The following TCF4 variants were observed in gnomAD, a reference collection of about 807,000 sequenced individuals.
TCF4 encodes SL3-3 enhancer factor 2.
A neutral mutation model predicts 82.1 loss-of-function variants in TCF4; 3 were observed. That is an observed-to-expected ratio of 0.04 (90% CI 0.02 to 0.09). The LOEUF is 0.09. Ranked by LOEUF, TCF4 falls within the 10% of genes least tolerant of loss-of-function variation. The pLI is 1.00. For synonymous variants in TCF4, 276 were observed against 309.6 expected (o/e 0.89, Z 1.14); for missense variants, 518 against 852.7 (o/e 0.61, Z 4.89).
intron 5 of TCF4, chr18:55,422,389 A>G: frequency 1.0e-6 from 1 of 985,184 alleles, no homozygotes; most frequent in East Asian, 1.1e-4. Flanking sequence ...AGGGAAAAGG[A>G]AAGAAGGGAA....
intron 3 of TCF4, among the ~76,000 whole-genome samples, chr18:55,468,471 G>A (rs950639161): frequency 2.6e-5 from 4 of 152,142 alleles, no homozygotes; most frequent in African/African-American, 7.2e-5. Flanking sequence ...GCAGCCCATA[G>A]TATCAACAGT....
At chr18:55,566,259 G>C (rs1479303941) in intron 3 of TCF4, among the ~76,000 whole-genome samples, 1 of 151,862 alleles carries the variant, frequency 6.6e-6, no homozygotes, top group Non-Finnish European at 1.5e-5. Flanking sequence ...AAAATGTATA[G>C]ACATGGATGT....
intron 3 of TCF4, among the ~76,000 whole-genome samples, chr18:55,560,147 T>G (rs1007629214): frequency 3.3e-5 from 5 of 152,172 alleles, no homozygotes; most frequent in Non-Finnish European, 5.9e-5. Context: ...GAGAAAAAAT[T>G]AACCAGGGCT....
At chr18:55,559,212 A>G (rs1056488923) in intron 3 of TCF4, among the ~76,000 whole-genome samples, 1 of 151,500 alleles carries the variant, frequency 6.6e-6, no homozygotes, top group Admixed American at 6.6e-5. Flanking sequence ...CAGAAATGTT[A>G]CCTTAATTTG....
intron 3 of TCF4, among the ~76,000 whole-genome samples, chr18:55,565,055 C>T (rs528138830): frequency 6.6e-6 from 1 of 152,248 alleles, no homozygotes; most frequent in Admixed American, 6.5e-5. Context: ...AGAAAGAACA[C>T]TAGGAGAGGA....
chr18:55,319,398 T>C (rs1048469868), intron 8 of TCF4, among the ~76,000 whole-genome samples: 7 of 152,172 alleles, frequency 4.6e-5, no homozygotes, highest in African/African-American at 9.7e-5. Context: ...TGGTATAGAA[T>C]TGGCCCCTTC....
chr18:55,458,170 G>T (rs2095803320), intron 5 of TCF4, among the ~76,000 whole-genome samples: 2 of 152,162 alleles, frequency 1.3e-5, no homozygotes, highest in Admixed American at 1.3e-4. Flanking sequence ...AGGCTTGATT[G>T]ATTTGACAAT....
chr18:55,635,106 A>G (rs2097735001), intron 1 of TCF4, among the ~76,000 whole-genome samples: 1 of 152,220 alleles, frequency 6.6e-6, no homozygotes, highest in African/African-American at 2.4e-5. Context: ...ACCATGGATT[A>G]TGAATACTGA....
chr18:55,363,990 G>T (rs2086180942), intron 6 of TCF4, among the ~76,000 whole-genome samples: 1 of 152,022 alleles, frequency 6.6e-6, no homozygotes, highest in Non-Finnish European at 1.5e-5. Flanking sequence ...CTTTATAAAA[G>T]GAATGAATTT....
At chr18:55,294,864 C>T (rs1459643581) in intron 8 of TCF4, among the ~76,000 whole-genome samples, 1 of 152,190 alleles carries the variant, frequency 6.6e-6, no homozygotes, top group Admixed American at 6.5e-5. Flanking sequence ...AGAGAATCCT[C>T]CTGCCTTGGC....
intron 8 of TCF4, among the ~76,000 whole-genome samples, chr18:55,299,199 T>A (rs1381003813): frequency 1.3e-5 from 2 of 152,076 alleles, no homozygotes; most frequent in Admixed American, 1.3e-4. Context: ...TCACTTGAGG[T>A]CAGGAGTTTG....
intron 3 of TCF4, among the ~76,000 whole-genome samples, chr18:55,470,657 GT>G (rs1228883881): frequency 2.0e-5 from 3 of 152,152 alleles, no homozygotes; most frequent in African/African-American, 7.2e-5. Flanking sequence ...GTAGAGCTGT[GT>G]AGTTGTCCTT....
chr18:55,632,122 T>C lies in TCF4; in HGVS notation c.196-734A>G, dbSNP rs578231737. Among the ~76,000 whole-genome samples the C allele has an allele frequency of 4.6e-5, 7 of 152,296 alleles. No homozygotes were observed. In the South Asian group the frequency reaches 1.5e-3, roughly 32 times the overall value. On this transcript the variant is annotated intron_variant, in intron 1 of 20. Coordinates refer to the TCF4 transcript ENST00000398339. ...GGCACGATCTCGGCTTGCTGCAAGC[T>C]CCGCCTCCCGGGTTCAGGCCATTCT...
intron 8 of TCF4, among the ~76,000 whole-genome samples, chr18:55,280,667 C>T (rs544590853): frequency 4.6e-5 from 7 of 152,172 alleles, no homozygotes; most frequent in Admixed American, 1.3e-4. Flanking sequence ...AAGCAGGCAG[C>T]GGCTCACAAA....
At chr18:55,401,182 T>C in intron 6 of TCF4, 9 of 1,224,744 alleles carry the variant, frequency 7.3e-6, no homozygotes, top group Non-Finnish European at 9.4e-6. Flanking sequence ...TGTTCTATTC[T>C]CAAATTTCAC....
At chr18:55,403,575 C>T in intron 5 of TCF4, 57 bp from the exon 6 acceptor site, 1 of 1,613,702 alleles carries the variant, frequency 6.2e-7, no homozygotes, top group Non-Finnish European at 8.5e-7. Flanking sequence ...AAAAAAATCT[C>T]CTCCAGGTAA....
intron 3 of TCF4, chr18:55,550,308 T>C (rs2097249620): frequency 6.6e-6 from 1 of 152,234 alleles, no homozygotes; most frequent in South Asian, 2.1e-4. Flanking sequence ...TTTACAAACT[T>C]ATTTTTCTGG....
intron 5 of TCF4, among the ~76,000 whole-genome samples, chr18:55,425,475 C>T (rs2094940347): frequency 6.7e-6 from 1 of 148,986 alleles, no homozygotes; most frequent in South Asian, 2.1e-4. Context: ...AATTTTTATG[C>T]TTAGTCCTTG....
chr18:55,315,960 G>GTTTA (rs1270807102), intron 8 of TCF4, among the ~76,000 whole-genome samples: 2 of 151,428 alleles, frequency 1.3e-5, no homozygotes, highest in African/African-American at 4.9e-5. Context: ...AATCAATAAT[G>GTTTA]TTTATCATAT....
Sources: gnomAD v4.1 joint callset for allele counts (sites outside exome capture counted in the v4.1 genomes callset) on GRCh38, gnomAD v4.1.1 for gene constraint, MANE v1.5 for transcripts, NCBI Gene and HGNC (gene_info 2026-07-23, HGNC 2026-07-21) for gene names.